Variants in BUB1B observed in about 807,000 individuals in gnomAD.
The protein encoded by BUB1B is mitotic checkpoint serine/threonine-protein kinase BUB1 beta.
Under a neutral mutation model 137.7 loss-of-function variants are expected in BUB1B, and 86 were observed. The observed-to-expected ratio is 0.62, with a 90% CI of 0.52 to 0.75. The LOEUF is 0.75. Among genes scored for constraint, BUB1B ranks in the 30% least tolerant of loss-of-function variants. BUB1B has a pLI of 0.00. For missense variants in BUB1B, 1,130 were observed against 1,236.9 expected (o/e 0.91, Z 1.30); for synonymous variants, 420 against 417.9 (o/e 1.00, Z -0.06).
In BUB1B at chr15:40,217,584, G is replaced by T. The variant is rs760104068; in HGVS notation, c.2767G>T (p.Asp923Tyr). 1 of 1,614,134 alleles carries T rather than the reference G, an allele frequency of 6.2e-7. No individual in the cohort carries two copies. Reference sequence around the variant, plus strand: ...CAGTGTTGACCTTAGGGTGCAGCTGGATGTTTTTACCCTCAGCGGCTTTCG... The same window carrying T: ...CAGTGTTGACCTTAGGGTGCAGCTGTATGTTTTTACCCTCAGCGGCTTTCG... ...SYSVDLRVQL[D>Y]VFTLSGFRTV... Residue 923 changes from aspartate (D) to tyrosine (Y), a missense_variant, in exon 21 of 23, where the codon GAT becomes TAT. Transcript: ENST00000287598.
At chr15:40,181,681 T>G (rs1446616128) in intron 5 of BUB1B, among the ~76,000 whole-genome samples, 1 of 152,206 alleles carries the variant, frequency 6.6e-6, no homozygotes, top group African/African-American at 2.4e-5. Context: ...GATTGGCCCA[T>G]TTTTATTGCT....
intron 8 of BUB1B, among the ~76,000 whole-genome samples, chr15:40,189,748 G>A (rs536788387): frequency 7.2e-5 from 11 of 152,278 alleles, no homozygotes; most frequent in African/African-American, 1.4e-4. Flanking sequence ...TTGCTGGATC[G>A]TGTGATTAAC....
intron 5 of BUB1B, among the ~76,000 whole-genome samples, chr15:40,183,132 A>G (rs1229644963): frequency 6.6e-6 from 1 of 152,150 alleles, no homozygotes; most frequent in Non-Finnish European, 1.5e-5. Flanking sequence ...AGTGGTAGGA[A>G]TGGAGAATCT....
chr15:40,200,041 A>G (rs867788159), intron 10 of BUB1B: 11 of 607,984 alleles, frequency 1.8e-5, no homozygotes, highest in Non-Finnish European at 2.6e-5. Flanking sequence ...GAAATTTAGT[A>G]TATGCCTGGC....
intron 2 of BUB1B, 35 bp downstream of exon 2, chr15:40,165,231 T>C: frequency 6.2e-7 from 1 of 1,613,828 alleles, no homozygotes; most frequent in African/African-American, 1.3e-5. Context: ...CCTGTCGTCA[T>C]TCATCCTAAA....
At chr15:40,175,306 T>A (rs2037212246) in intron 4 of BUB1B, among the ~76,000 whole-genome samples, 1 of 152,092 alleles carries the variant, frequency 6.6e-6, no homozygotes, top group Non-Finnish European at 1.5e-5. Flanking sequence ...TGCATTCATT[T>A]AAAAATAATA....
intron 5 of BUB1B, among the ~76,000 whole-genome samples, chr15:40,183,371 C>G (rs985207391): frequency 2.0e-5 from 3 of 152,150 alleles, no homozygotes; most frequent in Admixed American, 6.6e-5. Flanking sequence ...GTCAAGTTTT[C>G]TAATAAAAAG....
At chr15:40,208,833 C>G in intron 16 of BUB1B, 63 bp downstream of exon 16, 4 of 1,530,356 alleles carry the variant, frequency 2.6e-6, no homozygotes, top group Non-Finnish European at 3.6e-6. Context: ...GCAAACTGAG[C>G]TGTATGTTTT....
intron 12 of BUB1B, among the ~76,000 whole-genome samples, chr15:40,201,701 C>G (rs1262073351): frequency 6.6e-6 from 1 of 152,184 alleles, no homozygotes; most frequent in African/African-American, 2.4e-5. Context: ...GAGTCTCGCT[C>G]TGTCGCCCAG....
In BUB1B at chr15:40,170,619, G is replaced by A. The variant is rs373830262; in HGVS notation, c.322G>A (p.Ala108Thr). 8 of 1,613,094 alleles carry A rather than the reference G, an allele frequency of 5.0e-6. No homozygotes were observed. The highest frequency in any genetic ancestry group is 1.3e-5 in the African/African-American group (1 of 74,880). ...AACGTTATTAGAAAGAGCTGTAGAAGCACTACAAGGAGAAAAACGATATTA... is the reference window on the plus strand; with the variant it reads ...AACGTTATTAGAAAGAGCTGTAGAAACACTACAAGGAGAAAAACGATATTA... The part of the protein sequence containing the change: ...MSTLLERAVE[A>T]LQGEKRYYSD... Residue 108 changes from alanine (A) to threonine (T), a missense_variant, in exon 4 of 23, where the codon GCA becomes ACA. By Grantham distance (58) the Ala-to-Thr change is moderately conservative. Transcript: ENST00000287598.
chr15:40,170,941 T>C (rs879428071), intron 4 of BUB1B, among the ~76,000 whole-genome samples: 2 of 152,064 alleles, frequency 1.3e-5, no homozygotes, highest in African/African-American at 2.4e-5. Context: ...ATTAATAATT[T>C]ATTTTATATT....
At chr15:40,178,152 G>A (rs1407136849) in intron 5 of BUB1B, among the ~76,000 whole-genome samples, 2 of 151,504 alleles carry the variant, frequency 1.3e-5, no homozygotes, top group African/African-American at 2.4e-5. Flanking sequence ...TAAGGTGAAA[G>A]CCTAGATCAC....
rs1440436210 is a variant in BUB1B, at chr15:40,165,054, G to A, written c.37G>A (p.Glu13Lys). ...AVKKEGGALSEAMSLEGDEWE... is the reference protein window; with the variant it reads ...AVKKEGGALSKAMSLEGDEWE... ...TTACATTTGTTTCCTTCTTCACAGT[G>A]AAGCCATGTCCCTGGAGGGAGATGA... Residue 13 changes from glutamate to lysine, a missense_variant and splice_region_variant, in exon 2 of 23, where the codon GAA becomes AAA. Transcript: ENST00000287598. The A allele has an allele frequency of 8.1e-6, 13 of 1,614,134 alleles. No homozygotes were observed. The highest frequency in any genetic ancestry group is 1.1e-5 in the Non-Finnish European group (13 of 1,180,022).
intron 8 of BUB1B, among the ~76,000 whole-genome samples, chr15:40,190,773 G>A (rs781504157): frequency 1.3e-5 from 2 of 152,148 alleles, no homozygotes; most frequent in South Asian, 2.1e-4. Context: ...GATCTGATAC[G>A]AGTCAGCTGC....
intron 8 of BUB1B, among the ~76,000 whole-genome samples, chr15:40,194,841 C>T (rs1006232199): frequency 6.6e-6 from 1 of 152,060 alleles, no homozygotes; most frequent in Admixed American, 6.6e-5. Flanking sequence ...AGGTTAATTT[C>T]TTTTTATATA....
chr15:40,197,988 A>G (rs537811535), intron 9 of BUB1B, among the ~76,000 whole-genome samples: 7 of 152,314 alleles, frequency 4.6e-5, no homozygotes, highest in Admixed American at 1.3e-4. Context: ...CTTAGTCTGT[A>G]CCAGATATAT....
At chr15:40,184,179 G>A (rs2037331655) in intron 6 of BUB1B, among the ~76,000 whole-genome samples, 1 of 152,132 alleles carries the variant, frequency 6.6e-6, no homozygotes, top group Non-Finnish European at 1.5e-5. Flanking sequence ...TTAAAGTGAA[G>A]CTTACATATA....
At chr15:40,203,714 T>G (rs1479811849) in intron 14 of BUB1B, among the ~76,000 whole-genome samples, 1 of 152,224 alleles carries the variant, frequency 6.6e-6, no homozygotes, top group East Asian at 1.9e-4. Context: ...ATGTTCTATA[T>G]TAACCGCTAT....
rs1414025924 is a variant in BUB1B, at chr15:40,161,152, A to T, written c.-69A>T. ...AGCTCCGAGGGCAGGTTGCGGAAGA[A>T]AGCCCAGGCGGTCTGTGGCCCAGAG... On this transcript the variant is annotated 5_prime_UTR_variant, in exon 1 of 23. Transcript: ENST00000287598. 2 of 1,589,570 alleles carry T rather than the reference A, an allele frequency of 1.3e-6. No homozygotes were observed. Among genetic ancestry groups the T allele is most frequent in the African/African-American group, 2.7e-5 (2 of 74,296 alleles).
Sources: allele counts gnomAD v4.1 joint callset (sites outside exome capture counted in the v4.1 genomes callset), GRCh38; gene constraint gnomAD v4.1.1; transcripts MANE v1.5; gene names NCBI Gene and HGNC (gene_info 2026-07-23, HGNC 2026-07-21).